HNRNPM: variants seen among roughly 807,000 people sequenced by gnomAD.
The protein encoded by HNRNPM is CEA receptor.
In HNRNPM, 11 loss-of-function variants were observed where a neutral mutation model predicts 73.1. The ratio of observed to expected loss-of-function variants is 0.15; its 90% CI spans 0.09 to 0.25. The LOEUF (loss-of-function observed/expected upper bound fraction) is 0.25, where lower values mean the gene tolerates loss of function less well. Among genes scored for constraint, HNRNPM ranks in the 10% least tolerant of loss-of-function variants. The probability of loss-of-function intolerance (pLI) is 1.00; values close to 1 mark genes in which losing one functional copy is unlikely to be tolerated. For synonymous variants in HNRNPM, 407 were observed against 355.2 expected, an observed-to-expected ratio of 1.15 and a Z score of -1.64; for missense variants, 789 against 1,067.9, an observed-to-expected ratio of 0.74 and a Z score of 3.64.
Position 8,462,170 on chromosome 19 carries a change from CGTATGT to C in HNRNPM, c.284-355_284-350del, listed in dbSNP as rs959882628. The C allele has an allele frequency of 4.3e-6, 1 of 230,362 alleles. No homozygotes were observed. Among genetic ancestry groups the C allele is most frequent in the African/African-American group, 2.2e-5 (1 of 44,852 alleles). The allele number at this position is 230,362 out of a possible 1,614,324, so 14.3% of individuals were successfully genotyped here. On this transcript the variant is annotated intron_variant, in intron 2 of 15. Coordinates refer to ENST00000325495, the MANE Select transcript of HNRNPM (RefSeq NM_005968.5). The surrounding 1 kb of genome is among the most constrained non-coding windows in gnomAD (Gnocchi z 4.5). The stretch of plus-strand genomic sequence containing the variant: ...TTCACCTGCTTGCCACCAATGAGAG[CGTATGT>C]GTAAAACCTCCTCCCTTCCCCAGAA...
intron 12 of HNRNPM, among the ~76,000 whole-genome samples, chr19:8,477,903 A>G (rs1970631212): frequency 6.6e-6 from 1 of 152,146 alleles, no homozygotes; most frequent in South Asian, 2.1e-4. Flanking sequence ...CCAGCATGTG[A>G]CCTTGGTCAA....
chr19:8,465,061 A>G (rs1390305271), intron 5 of HNRNPM, among the ~76,000 whole-genome samples: 1 of 151,674 alleles, frequency 6.6e-6, no homozygotes, highest in Non-Finnish European at 1.5e-5. Flanking sequence ...TTCCCTCCCT[A>G]CCCTGCTTTT....
chr19:8,448,891 C>G (rs959955070), intron 1 of HNRNPM, among the ~76,000 whole-genome samples: 1 of 152,048 alleles, frequency 6.6e-6, no homozygotes, highest in Non-Finnish European at 1.5e-5. Flanking sequence ...TTAGAGTTGA[C>G]TCCATTTGAC....
chr19:8,465,072 C>T (rs116146545), intron 5 of HNRNPM, among the ~76,000 whole-genome samples: 1,684 of 152,254 alleles, frequency 0.011, 32 homozygotes, highest in African/African-American at 0.038. Flanking sequence ...CCCTGCTTTT[C>T]TTTTTTACTT....
At chr19:8,487,396 A>T in intron 15 of HNRNPM, 1 of 344,370 alleles carries the variant, frequency 2.9e-6, no homozygotes, top group Non-Finnish European at 5.6e-6. Context: ...GCAAGGCTAA[A>T]TAAATACATC....
chr19:8,486,540 A>G (rs985783207), intron 14 of HNRNPM, 135 bp downstream of exon 14: 1 of 712,190 alleles, frequency 1.4e-6, no homozygotes, highest in African/African-American at 1.8e-5. Context: ...CAAACGTTTT[A>G]TGCTAGTGGG....
Position 8,485,893 on chromosome 19 carries a change from G to T in HNRNPM, c.1465G>T (p.Gly489Cys). 2 of 1,604,168 alleles carry T rather than the reference G, an allele frequency of 1.2e-6. No individual in the cohort carries two copies. Among genetic ancestry groups the T allele is most frequent in the Non-Finnish European group, 8.5e-7 (1 of 1,179,378 alleles). ...IGSGVERMGAGMGFGLERMAA... is the reference protein window; with the variant it reads ...IGSGVERMGACMGFGLERMAA... ...CTCTGGCGTGGAGCGCATGGGTGCCGGCATGGGCTTCGGCCTTGAGCGCAT... is the reference window on the plus strand; with the variant it reads ...CTCTGGCGTGGAGCGCATGGGTGCCTGCATGGGCTTCGGCCTTGAGCGCAT... Residue 489 changes from glycine (G) to cysteine (C), a missense_variant, in exon 14 of 16, where the codon GGC becomes TGC. Gly to Cys is a radical substitution (Grantham distance 159). Transcript: ENST00000325495.
chr19:8,459,592 A>G (rs1405287874), intron 2 of HNRNPM, among the ~76,000 whole-genome samples: 8 of 152,178 alleles, frequency 5.3e-5, no homozygotes, highest in African/African-American at 1.4e-4. Context: ...AAAAAAATAT[A>G]TAGGTCTTAT....
intron 12 of HNRNPM, 116 bp downstream of exon 12, chr19:8,474,360 C>A: frequency 1.7e-6 from 1 of 600,440 alleles, no homozygotes; most frequent in Non-Finnish European, 2.9e-6. Flanking sequence ...GCTTTTCAAC[C>A]GAATCAAATG....
intron 6 of HNRNPM, among the ~76,000 whole-genome samples, chr19:8,465,830 A>T (rs1390887993): frequency 6.6e-6 from 1 of 152,150 alleles, no homozygotes; most frequent in Non-Finnish European, 1.5e-5. Flanking sequence ...GCAGAAGTGC[A>T]CTGACACCTT....
At chr19:8,453,088 C>T (rs907015332) in intron 1 of HNRNPM, among the ~76,000 whole-genome samples, 3 of 152,148 alleles carry the variant, frequency 2.0e-5, no homozygotes, top group Admixed American at 2.0e-4. Context: ...GCCTTGACCT[C>T]CCAAAGTGCT....
At chr19:8,485,299 A>G (rs1431491750) in intron 13 of HNRNPM, among the ~76,000 whole-genome samples, 1 of 152,112 alleles carries the variant, frequency 6.6e-6, no homozygotes, top group East Asian at 1.9e-4. Flanking sequence ...TCAGGAATTG[A>G]CGTCCATGGT....
In HNRNPM at chr19:8,486,142, G is replaced by A; in HGVS notation, c.1714G>A (p.Gly572Ser). 1 of 1,605,410 alleles carries A rather than the reference G, an allele frequency of 6.2e-7. No individual in the cohort carries two copies. Among genetic ancestry groups the A allele is most frequent in the Non-Finnish European group, 8.5e-7 (1 of 1,178,772 alleles). Residue 572 changes from glycine (G) to serine (S), a missense_variant, in exon 14 of 16, where the codon GGC becomes AGC. By Grantham distance (56) the Gly-to-Ser change is moderately conservative (BLOSUM62 0). This residue lies in a region of HNRNPM where 604 missense variants were observed against 744.0 expected (regional missense o/e 0.81). Transcript: ENST00000325495. ...GGAGCGGATGGGCCTGGAGCGCATG[G>A]GCGCCAACAGCCTCGAGCGCATGGG... Reference protein sequence around the residue: ...NLERMGLERMGANSLERMGLE... With the variant: ...NLERMGLERMSANSLERMGLE...
At chr19:8,488,588 G>T in intron 15 of HNRNPM, 103 bp from the exon 16 acceptor site, 1 of 994,670 alleles carries the variant, frequency 1.0e-6, no homozygotes, top group African/African-American at 1.6e-5. Flanking sequence ...TGTATTCTGA[G>T]CCTTTGTGCT....
chr19:8,449,137 G>A (rs959951200), intron 1 of HNRNPM, among the ~76,000 whole-genome samples: 1 of 152,220 alleles, frequency 6.6e-6, no homozygotes, highest in Non-Finnish European at 1.5e-5. Context: ...GGATTTTGGA[G>A]ACACGTCAGA....
intron 12 of HNRNPM, among the ~76,000 whole-genome samples, chr19:8,481,984 T>TTC (rs1970951095): frequency 6.7e-6 from 1 of 150,056 alleles, no homozygotes; most frequent in Non-Finnish European, 1.5e-5. Context: ...TTTTTTTTTT[T>TTC]TTTTCTTAGA....
At chr19:8,483,824 G>C (rs1599850975) in intron 13 of HNRNPM, among the ~76,000 whole-genome samples, 1 of 152,262 alleles carries the variant, frequency 6.6e-6, no homozygotes, top group African/African-American at 2.4e-5. Context: ...GGAGTGCCGT[G>C]GTGCAGTCTC....
chr19:8,471,134 T>C (rs1483324367), intron 9 of HNRNPM, among the ~76,000 whole-genome samples, 192 bp from the exon 10 acceptor site: 1 of 146,244 alleles, frequency 6.8e-6, no homozygotes, highest in Non-Finnish European at 1.5e-5. Flanking sequence ...TACACACATA[T>C]CCCAAACGCC....
chr19:8,483,119 G>A (rs1213693384), intron 12 of HNRNPM, 39 bp from the exon 13 acceptor site: 20 of 1,350,574 alleles, frequency 1.5e-5, no homozygotes, highest in Non-Finnish European at 2.0e-5. Context: ...TTGCCATAGA[G>A]GAATTTGGCT....
Sources: allele counts gnomAD v4.1 joint callset (sites outside exome capture counted in the v4.1 genomes callset), GRCh38; gene constraint gnomAD v4.1.1; regional missense constraint gnomAD v4.1.1; non-coding constraint Gnocchi (gnomAD v3.1); transcripts MANE v1.5; gene names NCBI Gene and HGNC (gene_info 2026-07-23, HGNC 2026-07-21).